DNAH6: variants seen among roughly 807,000 people sequenced by gnomAD.
The protein encoded by DNAH6 is axonemal beta dynein heavy chain 6.
A neutral mutation model predicts 491.4 loss-of-function variants in DNAH6; 340 were observed. The observed-to-expected ratio is 0.69, with a 90% CI of 0.63 to 0.76. DNAH6 has a LOEUF of 0.76. Ranked by LOEUF, DNAH6 falls within the 30% of genes least tolerant of loss-of-function variation. The pLI, the probability that DNAH6 is intolerant of heterozygous loss-of-function variation, is 0.00. For missense variants in DNAH6, 4,443 were observed against 4,972.2 expected, an observed-to-expected ratio of 0.89 and a Z score of 3.20; for synonymous variants, 1,603 against 1,686.1, an observed-to-expected ratio of 0.95 and a Z score of 1.21.
intron 68 of DNAH6, among the ~76,000 whole-genome samples, chr2:84,795,412 TTATTCA>T (rs1466497194): frequency 6.6e-6 from 1 of 152,198 alleles, no homozygotes; most frequent in African/African-American, 2.4e-5. Flanking sequence ...CAATGAAATG[TTATTCA>T]TATTTAAATA....
intron 32 of DNAH6, 70 bp from the exon 33 acceptor site, chr2:84,641,877 C>A: frequency 1.5e-6 from 2 of 1,312,232 alleles, no homozygotes; most frequent in Non-Finnish European, 2.1e-6. Context: ...CTGCCCTCCC[C>A]ACAGGTTTAG....
At chr2:84,492,836 G>A in the DNAH6 span, among the ~76,000 whole-genome samples, 1 of 152,122 alleles carries the variant, frequency 6.6e-6, no homozygotes. Flanking sequence ...TTAACTTACT[G>A]AGTTCCAATA....
intron 18 of DNAH6, among the ~76,000 whole-genome samples, chr2:84,597,518 G>T (rs1684715130): frequency 6.6e-6 from 1 of 152,232 alleles, no homozygotes; most frequent in Non-Finnish European, 1.5e-5. Flanking sequence ...AGGATCGTAA[G>T]GTTGTGCAGC....
chr2:84,782,356 A>G (rs755583295), intron 65 of DNAH6, among the ~76,000 whole-genome samples: 1 of 152,230 alleles, frequency 6.6e-6, no homozygotes, highest in Non-Finnish European at 1.5e-5. Context: ...CCTCCAGGCA[A>G]GCATATCCAG....
rs779840784 is a variant in DNAH6, at chr2:84,819,375, G to A, written c.12444G>A (p.Lys4148=). 29 of 1,551,316 alleles carry A rather than the reference G, an allele frequency of 1.9e-5. No individual in the cohort carries two copies. The highest frequency in any genetic ancestry group is 1.7e-6 in the Non-Finnish European group (2 of 1,146,882). ...GGTCCAAAGACTACTGGATTGCCAA[G>A]GGATCAGCTTTGCTCTGCCAGCTGA... ...SKRSKDYWIA[K]GSALLCQLSE Residue 4148 remains lysine (K), a synonymous_variant, in exon 77 of 77, where the codon AAG becomes AAA. Transcript: ENST00000389394.
intron 37 of DNAH6, among the ~76,000 whole-genome samples, chr2:84,665,937 C>A (rs980952737): frequency 6.6e-6 from 1 of 152,178 alleles, no homozygotes; most frequent in Non-Finnish European, 1.5e-5. Flanking sequence ...GGATGCACGG[C>A]TGGTTCAGCA....
intron 29 of DNAH6, among the ~76,000 whole-genome samples, chr2:84,626,528 A>C (rs1687871309): frequency 6.6e-6 from 1 of 152,194 alleles, no homozygotes. Context: ...CATTCAAAGT[A>C]AACATCCTAA....
intron 42 of DNAH6, among the ~76,000 whole-genome samples, chr2:84,684,325 C>T (rs1694079116): frequency 6.6e-6 from 1 of 152,118 alleles, no homozygotes; most frequent in African/African-American, 2.4e-5. Context: ...CCTTTCTATT[C>T]CTATTTTTAA....
intron 2 of DNAH6, among the ~76,000 whole-genome samples, chr2:84,520,170 A>G (rs1320357060): frequency 6.6e-6 from 1 of 151,968 alleles, no homozygotes; most frequent in Admixed American, 6.5e-5. Flanking sequence ...AAAGTTACAT[A>G]TATGTATAAT....
At chr2:84,508,437 G>A in the DNAH6 span, among the ~76,000 whole-genome samples, 7 of 152,036 alleles carry the variant, frequency 4.6e-5, no homozygotes, top group African/African-American at 7.2e-5. Flanking sequence ...TTTTTATTGC[G>A]TCTATTTGAT....
intron 60 of DNAH6, among the ~76,000 whole-genome samples, chr2:84,725,888 A>G (rs1311155105): frequency 6.6e-6 from 1 of 152,190 alleles, no homozygotes; most frequent in Non-Finnish European, 1.5e-5. Context: ...CAGGTTGTTA[A>G]AGAGGGCTGA....
chr2:84,808,123 GTA>G (rs57975328), intron 71 of DNAH6, among the ~76,000 whole-genome samples: 2,224 of 137,144 alleles, frequency 0.016, 49 homozygotes, highest in African/African-American at 0.057. Context: ...AAAAAAAAGT[GTA>G]TATATATGTG....
At chr2:84,642,207 A>G (rs1372667995) in intron 33 of DNAH6, among the ~76,000 whole-genome samples, 153 bp downstream of exon 33, 1 of 152,210 alleles carries the variant, frequency 6.6e-6, no homozygotes, top group Non-Finnish European at 1.5e-5. Flanking sequence ...CTCATTTAAA[A>G]TGAAGATACT....
At position 84,812,352 on chromosome 2, in the gene DNAH6, A is replaced by G. The variant is rs2105338549; in HGVS notation, c.11751A>G (p.Glu3917=). ...TTTTGTTCTTTCAGACTTCTCTGGA[A>G]ACACTCAACAAAGCCATCGCTGGAT... The part of the protein sequence containing the change: ...NLLKLIHTSL[E]TLNKAIAGFV... Residue 3917 remains glutamate, a synonymous_variant, in exon 73 of 77, where the codon GAA becomes GAG. Transcript: ENST00000389394. 6.4e-7 allele frequency: 1 copy of G among 1,551,932 alleles called. No homozygotes were observed. The highest frequency in any genetic ancestry group is 2.4e-5 in the East Asian group (1 of 40,928).
At chr2:84,655,858 A>G (rs1457670274) in intron 35 of DNAH6, among the ~76,000 whole-genome samples, 1 of 152,122 alleles carries the variant, frequency 6.6e-6, no homozygotes, top group Non-Finnish European at 1.5e-5. Flanking sequence ...TGTGCAATTC[A>G]TGGGTTTTGA....
At chr2:84,777,744 G>A (rs555642751) in intron 64 of DNAH6, 15 of 864,954 alleles carry the variant, frequency 1.7e-5, no homozygotes, top group South Asian at 3.9e-5. Flanking sequence ...TAACGGAATC[G>A]GGCTGAATCC....
intron 37 of DNAH6, among the ~76,000 whole-genome samples, chr2:84,662,788 A>G (rs1691656142): frequency 6.6e-6 from 1 of 152,238 alleles, no homozygotes; most frequent in South Asian, 2.1e-4. Context: ...GAGATCTGAC[A>G]GCAGACAGAC....
intron 59 of DNAH6, among the ~76,000 whole-genome samples, chr2:84,721,787 T>C (rs1698189265): frequency 6.6e-6 from 1 of 152,220 alleles, no homozygotes; most frequent in Admixed American, 6.5e-5. Flanking sequence ...TTAGCTTTGA[T>C]GGAGCAAATA....
intron 11 of DNAH6, among the ~76,000 whole-genome samples, chr2:84,558,272 C>CA (rs1680266563): frequency 4.0e-5 from 6 of 151,706 alleles, no homozygotes; most frequent in Admixed American, 3.3e-4. Flanking sequence ...CTAAAAAATA[C>CA]AAAAAATTAG....
Sources: allele counts gnomAD v4.1 joint callset (sites outside exome capture counted in the v4.1 genomes callset), GRCh38; gene constraint gnomAD v4.1.1; transcripts MANE v1.5; gene names NCBI Gene and HGNC (gene_info 2026-07-23, HGNC 2026-07-21).